SLC15A5: variants seen among roughly 807,000 people sequenced by gnomAD.
SLC15A5 encodes solute carrier family 15 member 5.
In SLC15A5, 58 loss-of-function variants were observed where a neutral mutation model predicts 56.1. The ratio of observed to expected loss-of-function variants is 1.03; its 90% CI spans 0.84 to 1.29. The LOEUF (loss-of-function observed/expected upper bound fraction) is 1.29, where lower values mean the gene tolerates loss of function less well. Ranked by LOEUF, SLC15A5 falls within the 50% of genes most tolerant of loss-of-function variation. SLC15A5 has a pLI of 0.00. For synonymous variants in SLC15A5, 264 were observed against 250.5 expected (o/e 1.05, Z -0.51); for missense variants, 681 against 672.1 (o/e 1.01, Z -0.15).
At chr12:16,230,944 A>T (rs894005057) in intron 5 of SLC15A5, among the ~76,000 whole-genome samples, 1 of 151,890 alleles carries the variant, frequency 6.6e-6, no homozygotes, top group Non-Finnish European at 1.5e-5. Flanking sequence ...AGACAAAAAA[A>T]CTTTACATAA....
Position 16,239,778 on chromosome 12 carries a change from GC to G in SLC15A5, c.1064del (p.Ser355ThrfsTer6). ...GAGCCAGAATTAGTAATGGTAGGCT[GC>G]TGATGGCATTCATTACTGCAATCGG... is the stretch of plus-strand genomic sequence containing the variant. ...LLPIAVMNAI[S>X]SLPLLILAPF... On this transcript the variant is annotated frameshift_variant, in exon 5 of 9. Transcript: ENST00000344941. LOFTEE classifies it high-confidence loss of function. 6.5e-7 allele frequency: 1 copy of G among 1,537,272 alleles called. No individual in the cohort carries two copies. Among genetic ancestry groups the G allele is most frequent in the Non-Finnish European group, 8.7e-7 (1 of 1,146,870 alleles).
intron 5 of SLC15A5, among the ~76,000 whole-genome samples, chr12:16,238,894 G>C (rs1022625874): frequency 4.6e-5 from 7 of 152,076 alleles, no homozygotes; most frequent in African/African-American, 1.7e-4. Flanking sequence ...CTACGTTCTG[G>C]GCACTGATGT....
intron 5 of SLC15A5, among the ~76,000 whole-genome samples, chr12:16,236,059 G>A (rs186581273): frequency 2.4e-4 from 36 of 152,150 alleles, no homozygotes; most frequent in Non-Finnish European, 4.3e-4. Flanking sequence ...CAAGATAATT[G>A]CTACCTACTG....
intron 2 of SLC15A5, among the ~76,000 whole-genome samples, chr12:16,270,630 T>A (rs968294737): frequency 6.6e-6 from 1 of 152,148 alleles, no homozygotes; most frequent in Admixed American, 6.5e-5. Context: ...ATACAATAGC[T>A]CTCCAAGATA....
intron 7 of SLC15A5, among the ~76,000 whole-genome samples, chr12:16,195,859 T>C (rs1863890055): frequency 6.6e-6 from 1 of 152,164 alleles, no homozygotes; most frequent in Admixed American, 6.6e-5. Flanking sequence ...TTGTCTTCTG[T>C]CTTTTACCTA....
In SLC15A5 at chr12:16,237,182, A is replaced by G. The variant is rs568873750; in HGVS notation, c.1162+2499T>C. Among the ~76,000 whole-genome samples the G allele has an allele frequency of 2.7e-4, 41 of 152,336 alleles. No individual in the cohort carries two copies. The East Asian group carries it at 7.3e-3, about 27-fold the overall frequency. Reference sequence around the variant, plus strand: ...AATTCAGTTATGTAAATTAGTATCAAAAAGTACCCCAGGTTGGTACTTTTA... The same window carrying G: ...AATTCAGTTATGTAAATTAGTATCAGAAAGTACCCCAGGTTGGTACTTTTA... On this transcript the variant is annotated intron_variant, in intron 5 of 8. Coordinates refer to ENST00000344941, the MANE Select transcript of SLC15A5 (RefSeq NM_001170798.1). The surrounding 1 kb of genome is among the most constrained non-coding windows in gnomAD (Gnocchi z 4.1).
intron 1 of SLC15A5, among the ~76,000 whole-genome samples, chr12:16,275,350 T>C (rs2136830012): frequency 6.6e-6 from 1 of 152,132 alleles, no homozygotes; most frequent in South Asian, 2.1e-4. Flanking sequence ...GAACAACAAG[T>C]CTAGAGAGGT....
At chr12:16,248,713 C>T (rs889665639) in intron 3 of SLC15A5, among the ~76,000 whole-genome samples, 11 of 152,166 alleles carry the variant, frequency 7.2e-5, no homozygotes, top group African/African-American at 2.4e-4. Context: ...AGAAAACTCA[C>T]GCCTTCTATG....
At chr12:16,190,582 T>A (rs1327501592) in intron 8 of SLC15A5, among the ~76,000 whole-genome samples, 1 of 152,200 alleles carries the variant, frequency 6.6e-6, no homozygotes, top group Non-Finnish European at 1.5e-5. Context: ...AGATGTTCAA[T>A]AAATATTTGT....
rs1045171037 is a variant in SLC15A5 at position 16,235,256 on chromosome 12, GTA to G, written c.1162+4423_1162+4424del. Among the ~76,000 whole-genome samples, 1 of 95,736 alleles carries G rather than the reference GTA, an allele frequency of 1.0e-5. No individual in the cohort carries two copies. Among genetic ancestry groups the G allele is most frequent in the Non-Finnish European group, 2.2e-5 (1 of 44,942 alleles). The allele number at this position is 95,736 out of a possible 152,430, so 62.8% of individuals were successfully genotyped here. A position where few individuals can be genotyped will look rare whatever the true frequency, so the allele number is the denominator to read the frequency against. On this transcript the variant is annotated intron_variant, in intron 5 of 8. Coordinates refer to ENST00000344941, the MANE Select transcript of SLC15A5 (RefSeq NM_001170798.1). This position sits in a 1 kb window ranked among gnomAD's most constrained non-coding sequence, Gnocchi z 4.1. ...CACGACATGTTATAAGTATATATGT[GTA>G]TATATATGTATATGTATATATATGT...
chr12:16,229,647 T>TACACACACACACACACAC (rs71438372), intron 5 of SLC15A5, among the ~76,000 whole-genome samples: 1 of 144,288 alleles, frequency 6.9e-6, no homozygotes, highest in African/African-American at 2.6e-5. Flanking sequence ...CACACACACA[T>TACACACACACACACACAC]ACACACACAC....
At chr12:16,209,330 G>A (rs1258263087) in intron 7 of SLC15A5, among the ~76,000 whole-genome samples, 1 of 151,830 alleles carries the variant, frequency 6.6e-6, no homozygotes, top group African/African-American at 2.4e-5. Flanking sequence ...CTTTCTGGCT[G>A]CTATGTATTT....
At chr12:16,254,323 A>G (rs1320040952) in intron 3 of SLC15A5, among the ~76,000 whole-genome samples, 3 of 152,096 alleles carry the variant, frequency 2.0e-5, no homozygotes, top group African/African-American at 4.8e-5. Flanking sequence ...AAGGACTAGG[A>G]GGAGTGGGGA....
chr12:16,197,910 C>T (rs1485076479), intron 7 of SLC15A5, among the ~76,000 whole-genome samples: 1 of 151,952 alleles, frequency 6.6e-6, no homozygotes, highest in African/African-American at 2.4e-5. Flanking sequence ...CTGACATTTC[C>T]AGTAGCTGAT....
At chr12:16,221,397 C>G (rs1864186985) in intron 6 of SLC15A5, among the ~76,000 whole-genome samples, 1 of 152,098 alleles carries the variant, frequency 6.6e-6, no homozygotes, top group Non-Finnish European at 1.5e-5. Flanking sequence ...TTTGAGAAAG[C>G]TCAATAATGA....
chr12:16,244,806 A>C lies in SLC15A5; in HGVS notation c.755-6T>G. 4 of 1,536,556 alleles carry C rather than the reference A, an allele frequency of 2.6e-6. No homozygotes were observed. The highest frequency in any genetic ancestry group is 2.0e-5 in the Admixed American group (1 of 51,000). ...GCCTGTCAGGAGAGAACAACCTGCAAGTAATCGGAGATATTATGTATTAGT... is the reference window on the plus strand; with the variant it reads ...GCCTGTCAGGAGAGAACAACCTGCACGTAATCGGAGATATTATGTATTAGT... On this transcript the variant is annotated splice_polypyrimidine_tract_variant and splice_region_variant and intron_variant, in intron 3 of 8. Coordinates refer to ENST00000344941, the MANE Select transcript of SLC15A5 (RefSeq NM_001170798.1).
intron 2 of SLC15A5, among the ~76,000 whole-genome samples, chr12:16,262,057 A>G (rs1353998452): frequency 1.3e-5 from 2 of 152,196 alleles, no homozygotes; most frequent in Non-Finnish European, 2.9e-5. Flanking sequence ...ATCATTGCCT[A>G]AACTGAGGTC....
intron 5 of SLC15A5, among the ~76,000 whole-genome samples, chr12:16,226,659 A>T (rs1375936834): frequency 6.6e-6 from 1 of 152,180 alleles, no homozygotes; most frequent in Non-Finnish European, 1.5e-5. Context: ...TTTCTTAAAG[A>T]GATAAATTAG....
chr12:16,234,059 T>A (rs1280527767), intron 5 of SLC15A5, among the ~76,000 whole-genome samples: 1 of 152,196 alleles, frequency 6.6e-6, no homozygotes, highest in African/African-American at 2.4e-5. Context: ...TTCTCACAGT[T>A]CTAAAAGCTG....
Sources: gnomAD v4.1 joint callset for allele counts (sites outside exome capture counted in the v4.1 genomes callset) on GRCh38, gnomAD v4.1.1 for gene constraint, Gnocchi (gnomAD v3.1) non-coding constraint, MANE v1.5 for transcripts, NCBI Gene and HGNC (gene_info 2026-07-23, HGNC 2026-07-21) for gene names.